Variants in KCNMB2 observed in about 807,000 individuals in gnomAD.
The protein encoded by KCNMB2 is calcium-activated potassium channel subunit beta-2.
KCNMB2 carries 9 observed loss-of-function variants against 24.5 expected under a neutral mutation model. That is an observed-to-expected ratio of 0.37 (90% CI 0.22 to 0.64). The LOEUF (loss-of-function observed/expected upper bound fraction) is 0.64. KCNMB2 is among the 30% of genes least tolerant of loss of function. The pLI is 0.63. For synonymous variants in KCNMB2, 109 were observed against 104.4 expected, an observed-to-expected ratio of 1.04 and a Z score of -0.27; for missense variants, 226 against 284.3, an observed-to-expected ratio of 0.79 and a Z score of 1.47.
Position 178,624,612 on chromosome 3 carries a change from TTA to T in KCNMB2, c.-68+87902_-68+87903del, listed in dbSNP as rs1491578795. Reference sequence around the variant, plus strand: ...TTTTTTTCTTTCTTTTTTTTTTTTTTTAAAAAAGGCATTTAGTTTATTCTCCT... The same window carrying T: ...TTTTTTTCTTTCTTTTTTTTTTTTTTAAAAAGGCATTTAGTTTATTCTCCT... On this transcript the variant is annotated intron_variant, in intron 1 of 4. Coordinates refer to ENST00000452583, the MANE Select transcript of KCNMB2 (RefSeq NM_181361.3). Among the ~76,000 whole-genome samples the T allele has an allele frequency of 2.0e-3, 305 of 150,246 alleles. 3 individuals carry two copies. The highest frequency in any genetic ancestry group is 3.0e-3 in the Non-Finnish European group (200 of 67,642).
chr3:178,598,289 G>A (rs1049794836), intron 1 of KCNMB2, among the ~76,000 whole-genome samples: 8 of 152,096 alleles, frequency 5.3e-5, no homozygotes, highest in African/African-American at 1.2e-4. Flanking sequence ...GCGACATAGC[G>A]CCACTTTTCT....
At chr3:178,721,956 C>A (rs1273661123) in intron 1 of KCNMB2, among the ~76,000 whole-genome samples, 6 of 152,170 alleles carry the variant, frequency 3.9e-5, no homozygotes, top group Admixed American at 3.9e-4. Context: ...ATCCTTCTTA[C>A]AAGTCCTTTG....
intron 1 of KCNMB2, among the ~76,000 whole-genome samples, chr3:178,577,188 T>C (rs757515732): frequency 4.6e-5 from 7 of 152,122 alleles, no homozygotes; most frequent in Non-Finnish European, 1.0e-4. Context: ...CAATATTTGC[T>C]CTTCTGCAGC....
intron 1 of KCNMB2, among the ~76,000 whole-genome samples, chr3:178,795,508 G>A (rs1397644004): frequency 3.3e-5 from 5 of 152,160 alleles, no homozygotes; most frequent in African/African-American, 1.2e-4. Context: ...TTTCCTGGCT[G>A]AGCCACACAG....
intron 1 of KCNMB2, among the ~76,000 whole-genome samples, chr3:178,613,438 T>C (rs1168637527): frequency 6.6e-6 from 1 of 152,242 alleles, no homozygotes; most frequent in African/African-American, 2.4e-5. Context: ...GTTTGTACCT[T>C]CAGGTGAGTA....
intron 1 of KCNMB2, among the ~76,000 whole-genome samples, chr3:178,744,026 T>C (rs983511238): frequency 2.0e-5 from 3 of 152,240 alleles, no homozygotes; most frequent in African/African-American, 7.2e-5. Context: ...CAGTATTCAC[T>C]AGAATATGGT....
At chr3:178,571,485 T>TATATATAC (rs1212687167) in intron 1 of KCNMB2, among the ~76,000 whole-genome samples, 1 of 140,358 alleles carries the variant, frequency 7.1e-6, no homozygotes, top group African/African-American at 2.6e-5. Flanking sequence ...TATATATATA[T>TATATATAC]ACTTTTTTCT....
chr3:178,603,300 TTAA>T (rs1215388051), intron 1 of KCNMB2, among the ~76,000 whole-genome samples: 1 of 152,106 alleles, frequency 6.6e-6, no homozygotes, highest in Non-Finnish European at 1.5e-5. Flanking sequence ...ATATATGTTA[TTAA>T]GGAGCTAAAA....
chr3:178,540,333 TCA>T (rs1394471568), intron 1 of KCNMB2, among the ~76,000 whole-genome samples: 3 of 152,244 alleles, frequency 2.0e-5, no homozygotes, highest in African/African-American at 7.2e-5. Flanking sequence ...TACACATTTT[TCA>T]CAGTTGGTCT....
chr3:178,536,888 T>C (rs1715428796), intron 1 of KCNMB2, among the ~76,000 whole-genome samples, 177 bp downstream of exon 1: 1 of 152,230 alleles, frequency 6.6e-6, no homozygotes. Context: ...TTATGTTTTA[T>C]GGCAGAAATG....
At chr3:178,541,178 G>A (rs977108831) in intron 1 of KCNMB2, among the ~76,000 whole-genome samples, 1 of 151,786 alleles carries the variant, frequency 6.6e-6, no homozygotes, top group Non-Finnish European at 1.5e-5. Flanking sequence ...GCACAGGAGG[G>A]GGAAAAAAAA....
At chr3:178,581,932 C>T (rs1717222317) in intron 1 of KCNMB2, among the ~76,000 whole-genome samples, 1 of 152,178 alleles carries the variant, frequency 6.6e-6, no homozygotes, top group Admixed American at 6.5e-5. Flanking sequence ...ATTAGTTCAA[C>T]CATTGTGGAA....
intron 1 of KCNMB2, among the ~76,000 whole-genome samples, chr3:178,674,337 A>G (rs1208828119): frequency 6.6e-6 from 1 of 152,060 alleles, no homozygotes; most frequent in African/African-American, 2.4e-5. Context: ...TGTCATATAT[A>G]TATATATCTT....
chr3:178,685,529 G>A lies in KCNMB2; in HGVS notation c.-67-121814G>A, dbSNP rs1202436184. Among the ~76,000 whole-genome samples the A allele has an allele frequency of 2.0e-5, 3 of 152,144 alleles. No individual in the cohort carries two copies. In the East Asian group the frequency reaches 5.8e-4, roughly 29 times the overall value. Reference sequence around the variant, plus strand: ...ACCAAGGTGGCTATTGCTTATTCTTGCCAAATCCATCAGCCACATCAACAG... The same window carrying A: ...ACCAAGGTGGCTATTGCTTATTCTTACCAAATCCATCAGCCACATCAACAG... On this transcript the variant is annotated intron_variant, in intron 1 of 4. Coordinates refer to ENST00000452583, the MANE Select transcript of KCNMB2 (RefSeq NM_181361.3).
intron 1 of KCNMB2, among the ~76,000 whole-genome samples, chr3:178,665,846 A>C (rs1472276906): frequency 6.6e-6 from 1 of 152,218 alleles, no homozygotes; most frequent in Non-Finnish European, 1.5e-5. Flanking sequence ...TACTAAGACC[A>C]TACAAGTGAC....
intron 2 of KCNMB2, among the ~76,000 whole-genome samples, chr3:178,813,208 T>C (rs970647418): frequency 6.6e-6 from 1 of 152,188 alleles, no homozygotes; most frequent in African/African-American, 2.4e-5. Flanking sequence ...TACCTTTGTA[T>C]TGAAATGGCA....
chr3:178,542,072 T>A (rs1429895879), intron 1 of KCNMB2, among the ~76,000 whole-genome samples: 7 of 152,190 alleles, frequency 4.6e-5, no homozygotes. Flanking sequence ...GTGTCAGGGA[T>A]GAGGACCCCT....
intron 1 of KCNMB2, among the ~76,000 whole-genome samples, chr3:178,602,247 C>T (rs962862831): frequency 1.3e-5 from 2 of 151,902 alleles, no homozygotes; most frequent in African/African-American, 4.8e-5. Context: ...GCCTATAGAG[C>T]AGCATGAACC....
At chr3:178,813,100 G>A (rs532747100) in intron 2 of KCNMB2, among the ~76,000 whole-genome samples, 11 of 152,118 alleles carry the variant, frequency 7.2e-5, no homozygotes, top group Admixed American at 4.6e-4. Context: ...GAATGAATAC[G>A]ATTAACCTCT....
Sources: allele counts gnomAD v4.1 joint callset (sites outside exome capture counted in the v4.1 genomes callset), GRCh38; gene constraint gnomAD v4.1.1; transcripts MANE v1.5; gene names NCBI Gene and HGNC (gene_info 2026-07-23, HGNC 2026-07-21).